Variants in ZSCAN5A observed in about 807,000 individuals in gnomAD.
The protein encoded by ZSCAN5A is zinc finger and SCAN domain containing 5A, also known as zinc finger and SCAN domain-containing protein 5A.
In ZSCAN5A, 12 loss-of-function variants were observed where a neutral mutation model predicts 23.7. The observed-to-expected ratio is 0.51, with a 90% confidence interval of 0.32 to 0.82. ZSCAN5A has a LOEUF of 0.82. ZSCAN5A is among the 40% of genes least tolerant of loss of function. ZSCAN5A has a pLI of 0.03. For synonymous variants in ZSCAN5A, 257 were observed against 239.9 expected (o/e 1.07, Z -0.66); for missense variants, 597 against 617.9 (o/e 0.97, Z 0.36).
chr19:56,323,056 G>A (rs1318216387), intron 2 of ZSCAN5A, among the ~76,000 whole-genome samples: 2 of 151,390 alleles, frequency 1.3e-5, no homozygotes, highest in African/African-American at 2.4e-5. Flanking sequence ...CACCACGCCC[G>A]GCTAATTTTT....
At chr19:56,279,694 T>A (rs1193656549) in intron 2 of ZSCAN5A, among the ~76,000 whole-genome samples, 1 of 152,192 alleles carries the variant, frequency 6.6e-6, no homozygotes, top group Non-Finnish European at 1.5e-5. Context: ...TGCCTGCAGA[T>A]AACATTTTGG....
intron 2 of ZSCAN5A, among the ~76,000 whole-genome samples, chr19:56,256,950 C>T (rs2036742978): frequency 6.6e-6 from 1 of 151,410 alleles, no homozygotes; most frequent in African/African-American, 2.4e-5. Flanking sequence ...GAAAGGGAAA[C>T]CCAAGATGAG....
intron 1 of ZSCAN5A, among the ~76,000 whole-genome samples, chr19:56,366,816 A>C (rs769295550): frequency 3.2e-4 from 48 of 152,272 alleles, no homozygotes; most frequent in Admixed American, 5.2e-4. Flanking sequence ...TTATTTTTGC[A>C]GACCATAGAA....
chr19:56,342,500 C>T, intron 2 of ZSCAN5A: 1 of 381,748 alleles, frequency 2.6e-6, no homozygotes, highest in South Asian at 2.4e-5. Context: ...GAACAGTAAG[C>T]ACTCCAATAA....
At chr19:56,260,612 G>C (rs527332397) in intron 2 of ZSCAN5A, among the ~76,000 whole-genome samples, 2 of 151,926 alleles carry the variant, frequency 1.3e-5, no homozygotes, top group East Asian at 3.9e-4. Flanking sequence ...ATATCAGTAG[G>C]ACAAAAATCT....
intron 2 of ZSCAN5A, among the ~76,000 whole-genome samples, chr19:56,265,789 A>G (rs2146903980): frequency 6.6e-6 from 1 of 152,278 alleles, no homozygotes; most frequent in Non-Finnish European, 1.5e-5. Flanking sequence ...TCAATTCGAG[A>G]TTTAAAGTGC....
rs868035906 is a variant in ZSCAN5A at position 56,244,699 on chromosome 19, G to A, written c.-127-19526C>T. On this transcript the variant is annotated intron_variant, in intron 2 of 5. Coordinates refer to ENST00000683990, the MANE Select transcript of ZSCAN5A (RefSeq NM_001322064.3). ...ATTCCAATATCAGCTGTGCTGAGACGGCAAGTTCCTGGTGTAGGAGATGGA... is the reference window on the plus strand; with the variant it reads ...ATTCCAATATCAGCTGTGCTGAGACAGCAAGTTCCTGGTGTAGGAGATGGA... Among the ~76,000 whole-genome samples, 69 of 149,688 alleles carry A rather than the reference G, an allele frequency of 4.6e-4. 1 individual carries two copies. The highest frequency in any genetic ancestry group is 2.1e-3 in the South Asian group (10 of 4,776).
chr19:56,259,411 C>T (rs957837762), intron 2 of ZSCAN5A, among the ~76,000 whole-genome samples: 35 of 152,088 alleles, frequency 2.3e-4, no homozygotes, highest in Admixed American at 9.2e-4. Context: ...GACCCTCGTA[C>T]GATTTCCCTG....
chr19:56,353,595 G>A (rs112441225), intron 2 of ZSCAN5A, among the ~76,000 whole-genome samples: 2,572 of 151,878 alleles, frequency 0.017, 64 homozygotes, highest in African/African-American at 0.055. Flanking sequence ...GGCTAACGGC[G>A]GTGAAACCCC....
chr19:56,279,955 G>C (rs891575663), intron 2 of ZSCAN5A, among the ~76,000 whole-genome samples: 2 of 151,980 alleles, frequency 1.3e-5, no homozygotes, highest in African/African-American at 4.8e-5. Context: ...AAAACATCAT[G>C]TTATTTTCAT....
chr19:56,337,248 G>A (rs978349046), intron 2 of ZSCAN5A, among the ~76,000 whole-genome samples: 7 of 152,210 alleles, frequency 4.6e-5, no homozygotes, highest in Non-Finnish European at 8.8e-5. Flanking sequence ...GAGCTTCCCG[G>A]CCACTTTATT....
intron 2 of ZSCAN5A, among the ~76,000 whole-genome samples, chr19:56,274,230 G>C (rs115056396): frequency 0.01 from 1,573 of 152,250 alleles, 37 homozygotes; most frequent in African/African-American, 0.036. Context: ...AAGGCAGCTG[G>C]ATTATTTGAG....
At chr19:56,285,954 A>G (rs1244329000) in intron 2 of ZSCAN5A, among the ~76,000 whole-genome samples, 2 of 152,214 alleles carry the variant, frequency 1.3e-5, no homozygotes, top group Non-Finnish European at 2.9e-5. Context: ...ACAAATTTGC[A>G]TCTTCATATA....
chr19:56,244,045 G>A (rs529632322), intron 2 of ZSCAN5A: 2 of 918,396 alleles, frequency 2.2e-6, no homozygotes, highest in South Asian at 3.1e-5. Context: ...CACCAGATAT[G>A]GCTGCAAATT....
At chr19:56,359,266 G>A (rs2041717751) in intron 2 of ZSCAN5A, among the ~76,000 whole-genome samples, 1 of 151,952 alleles carries the variant, frequency 6.6e-6, no homozygotes, top group Non-Finnish European at 1.5e-5. Flanking sequence ...ACCCCACAGA[G>A]ATACAAACTA....
intron 2 of ZSCAN5A, chr19:56,302,842 G>A (rs2040436941): frequency 5.0e-6 from 2 of 398,536 alleles, no homozygotes; most frequent in Non-Finnish European, 8.8e-6. Flanking sequence ...TCTTTCTAAG[G>A]GACGTTCATA....
intron 2 of ZSCAN5A, chr19:56,228,193 A>C: frequency 1.0e-6 from 1 of 984,842 alleles, no homozygotes; most frequent in Non-Finnish European, 1.2e-6. Context: ...AAACTTTCTG[A>C]AACCAACCCC....
At chr19:56,320,080 G>A in intron 2 of ZSCAN5A, 1 of 774,854 alleles carries the variant, frequency 1.3e-6, no homozygotes, top group South Asian at 1.3e-5. Flanking sequence ...TCTTATACCT[G>A]TCACTGTCTG....
At chr19:56,263,492 A>G (rs547162933) in intron 2 of ZSCAN5A, 1 of 152,306 alleles carries the variant, frequency 6.6e-6, no homozygotes, top group African/African-American at 2.4e-5. Context: ...GGCATTAAGG[A>G]ATCCTGCATC....
Sources: allele counts gnomAD v4.1 joint callset (sites outside exome capture counted in the v4.1 genomes callset), GRCh38; gene constraint gnomAD v4.1.1; transcripts MANE v1.5; gene names NCBI Gene and HGNC (gene_info 2026-07-23, HGNC 2026-07-21).